The following KCNQ5 variants were observed in gnomAD, a reference collection of about 807,000 sequenced individuals.
KCNQ5 encodes the protein potassium voltage-gated channel subfamily KQT member 5.
KCNQ5 carries 30 observed loss-of-function variants against 98.2 expected under a neutral mutation model. The ratio of observed to expected loss-of-function variants is 0.31; its 90% CI spans 0.23 to 0.41. The LOEUF (loss-of-function observed/expected upper bound fraction) is 0.41. Ranked by LOEUF, KCNQ5 falls within the 10% of genes least tolerant of loss-of-function variation. KCNQ5 has a pLI of 1.00. For missense variants in KCNQ5, 835 were observed against 1,182.5 expected (o/e 0.71, Z 4.31); for synonymous variants, 458 against 449.4 (o/e 1.02, Z -0.24).
chr6:73,076,165 C>G (rs1773531871), intron 3 of KCNQ5, among the ~76,000 whole-genome samples: 1 of 152,200 alleles, frequency 6.6e-6, no homozygotes, highest in Non-Finnish European at 1.5e-5. Flanking sequence ...AGAAGATCTT[C>G]TCAGTCCACA....
intron 1 of KCNQ5, among the ~76,000 whole-genome samples, chr6:72,975,736 T>C (rs1297738576): frequency 6.6e-6 from 1 of 152,212 alleles, no homozygotes; most frequent in East Asian, 1.9e-4. Context: ...ACTGCTTTAT[T>C]TCTGTAAGCC....
intron 11 of KCNQ5, among the ~76,000 whole-genome samples, chr6:73,178,404 A>G (rs1778293391): frequency 6.6e-6 from 1 of 150,762 alleles, no homozygotes; most frequent in Non-Finnish European, 1.5e-5. Context: ...CCTGGGAAAC[A>G]TAGCAAGACC....
intron 10 of KCNQ5, among the ~76,000 whole-genome samples, chr6:73,157,203 G>A (rs575639680): frequency 6.6e-6 from 1 of 152,386 alleles, no homozygotes; most frequent in Admixed American, 6.5e-5. Flanking sequence ...CCGAAGCAAA[G>A]TTGGGTGGGA....
At chr6:73,026,027 C>T (rs1770866095) in intron 2 of KCNQ5, among the ~76,000 whole-genome samples, 1 of 152,190 alleles carries the variant, frequency 6.6e-6, no homozygotes, top group South Asian at 2.1e-4. Context: ...ATTCCTATTC[C>T]CTTGCCTAGA....
chr6:73,081,763 A>G (rs2150395693), intron 5 of KCNQ5, among the ~76,000 whole-genome samples: 1 of 152,332 alleles, frequency 6.6e-6, no homozygotes, highest in East Asian at 1.9e-4. Flanking sequence ...GCTATTGAAA[A>G]GAAAAAAAAC....
intron 3 of KCNQ5, among the ~76,000 whole-genome samples, chr6:73,051,200 C>T (rs1002873682): frequency 5.9e-5 from 9 of 152,164 alleles, no homozygotes; most frequent in African/African-American, 1.9e-4. Flanking sequence ...CCCTGCCCCA[C>T]GCTGCCACTG....
intron 1 of KCNQ5, among the ~76,000 whole-genome samples, chr6:72,838,104 TC>T (rs926433444): frequency 1.4e-5 from 1 of 73,874 alleles, no homozygotes; most frequent in South Asian, 5.7e-4. Flanking sequence ...CCCTCCCCCC[TC>T]CCCCCACCCC....
chr6:72,863,193 G>C (rs575035116), intron 1 of KCNQ5, among the ~76,000 whole-genome samples: 4 of 152,060 alleles, frequency 2.6e-5, no homozygotes, highest in Non-Finnish European at 4.4e-5. Context: ...ATGGCCCCAG[G>C]CTTCTAGGAA....
At chr6:73,170,795 GTGGTGGCGGGCACC>G (rs1562218516) in intron 11 of KCNQ5, among the ~76,000 whole-genome samples, 1 of 151,882 alleles carries the variant, frequency 6.6e-6, no homozygotes, top group African/African-American at 2.4e-5. Context: ...TTAGCTGGGT[GTGGTGGCGGGCACC>G]TGTAATCCCA....
chr6:72,770,908 T>G (rs1772837366), intron 1 of KCNQ5, among the ~76,000 whole-genome samples: 1 of 152,134 alleles, frequency 6.6e-6, no homozygotes, highest in South Asian at 2.1e-4. Context: ...CAAATTTTAC[T>G]GCTCACTAAT....
intron 2 of KCNQ5, among the ~76,000 whole-genome samples, chr6:73,034,192 T>G (rs1363225071): frequency 1.3e-5 from 2 of 152,226 alleles, no homozygotes; most frequent in Non-Finnish European, 2.9e-5. Context: ...TTTTTTGCAT[T>G]TTATGATGCA....
At chr6:72,916,039 A>G (rs1318663698) in intron 1 of KCNQ5, among the ~76,000 whole-genome samples, 1 of 152,206 alleles carries the variant, frequency 6.6e-6, no homozygotes, top group African/African-American at 2.4e-5. Flanking sequence ...TTTGGTTTTT[A>G]TCTCTGATAG....
intron 1 of KCNQ5, among the ~76,000 whole-genome samples, chr6:72,773,827 C>A (rs767053143): frequency 4.6e-5 from 7 of 151,904 alleles, no homozygotes; most frequent in Non-Finnish European, 8.8e-5. Flanking sequence ...CAGCTAATGT[C>A]TTCAGATGGA....
intron 1 of KCNQ5, among the ~76,000 whole-genome samples, chr6:72,828,635 T>C (rs2150121302): frequency 6.6e-6 from 1 of 152,268 alleles, no homozygotes. Context: ...GCCTTTAATT[T>C]TTCTTTACAT....
Position 73,124,371 on chromosome 6 carries a change from GA to G in KCNQ5, c.1221-111del, listed in dbSNP as rs1775863355. On this transcript the variant is annotated intron_variant, in intron 8 of 13. Coordinates refer to ENST00000370398, the MANE Select transcript of KCNQ5 (RefSeq NM_019842.4). ...AACACTGCTTTTGTGGATCTTGCAT[GA>G]AAAGAGTTACTTAAGGTATTTGATT... is the stretch of plus-strand genomic sequence containing the variant. 11 of 869,664 alleles carry G rather than the reference GA, an allele frequency of 1.3e-5. No individual in the cohort carries two copies. The South Asian group carries it at 1.6e-4, about 12-fold the overall frequency. 53.9% of individuals were successfully genotyped at this position (869,664 alleles called of 1,614,324 possible).
intron 1 of KCNQ5, among the ~76,000 whole-genome samples, chr6:72,673,500 G>A (rs1434836784): frequency 6.6e-6 from 1 of 152,092 alleles, no homozygotes; most frequent in Non-Finnish European, 1.5e-5. Flanking sequence ...TAAAGTGATT[G>A]AGATGTGAAA....
At chr6:72,696,204 T>C (rs1330768452) in intron 1 of KCNQ5, among the ~76,000 whole-genome samples, 3 of 152,188 alleles carry the variant, frequency 2.0e-5, no homozygotes, top group Non-Finnish European at 4.4e-5. Context: ...CATGAAAACC[T>C]GGAAGTAATT....
At chr6:72,973,439 T>C (rs1283724930) in intron 1 of KCNQ5, among the ~76,000 whole-genome samples, 1 of 152,204 alleles carries the variant, frequency 6.6e-6, no homozygotes, top group African/African-American at 2.4e-5. Context: ...AAGGATTTTG[T>C]AGAAATCCTT....
chr6:72,712,471 T>C (rs1769419614), intron 1 of KCNQ5, among the ~76,000 whole-genome samples: 1 of 152,246 alleles, frequency 6.6e-6, no homozygotes, highest in Non-Finnish European at 1.5e-5. Flanking sequence ...TTTGTCACTG[T>C]TGTCAATCTT....
Sources: allele counts gnomAD v4.1 joint callset (sites outside exome capture counted in the v4.1 genomes callset), GRCh38; gene constraint gnomAD v4.1.1; transcripts MANE v1.5; gene names NCBI Gene and HGNC (gene_info 2026-07-23, HGNC 2026-07-21).